Variants in SLC5A7 observed in about 807,000 individuals in gnomAD.
SLC5A7 encodes high affinity choline transporter 1.
Under a neutral mutation model 55.4 loss-of-function variants are expected in SLC5A7, and 19 were observed. The observed-to-expected ratio is 0.34, with a 90% confidence interval of 0.24 to 0.50. The LOEUF (loss-of-function observed/expected upper bound fraction) is 0.50, where lower values mean the gene tolerates loss of function less well. SLC5A7 is among the 20% of genes least tolerant of loss of function. The pLI is 0.98. For synonymous variants in SLC5A7, 265 were observed against 263.7 expected (o/e 1.00, Z -0.05); for missense variants, 506 against 705.3 (o/e 0.72, Z 3.20).
chr2:107,995,000 T>A (rs567700218), intron 4 of SLC5A7, among the ~76,000 whole-genome samples: 4 of 152,322 alleles, frequency 2.6e-5, no homozygotes, highest in South Asian at 2.1e-4. Flanking sequence ...TGTATATATG[T>A]GTGTCTGTGT....
At chr2:107,998,074 T>G in intron 5 of SLC5A7, 88 bp downstream of exon 5, 2 of 1,317,768 alleles carry the variant, frequency 1.5e-6, no homozygotes, top group Non-Finnish European at 2.0e-6. Flanking sequence ...AGTAGAAATA[T>G]TATTTTCCCT....
chr2:107,993,155 C>A (rs761896940), intron 4 of SLC5A7, 28 bp downstream of exon 4: 4 of 1,612,590 alleles, frequency 2.5e-6, no homozygotes, highest in Non-Finnish European at 2.5e-6. Flanking sequence ...TGTCTAGCTG[C>A]ATCTTTGTAG....
At chr2:107,991,854 G>A (rs560289880) in intron 2 of SLC5A7, among the ~76,000 whole-genome samples, 13 of 152,148 alleles carry the variant, frequency 8.5e-5, no homozygotes, top group Non-Finnish European at 1.8e-4. Flanking sequence ...AAAACAAAAA[G>A]AAATAGGTAA....
chr2:107,989,543 C>G (rs1418847796), intron 2 of SLC5A7, among the ~76,000 whole-genome samples: 1 of 152,198 alleles, frequency 6.6e-6, no homozygotes, highest in East Asian at 1.9e-4. Flanking sequence ...TGATGAGCAT[C>G]TGGGGTTAAG....
rs375438639 is a variant in SLC5A7, at chr2:107,993,177, T to C, written c.448+50T>C. On this transcript the variant is annotated intron_variant, in intron 4 of 8. Transcript: ENST00000264047. ...CTGCATCTTTGTAGTTAACTAAACA[T>C]CAGATACACAACCTTACTTTCCTCA... 7 of 1,601,932 alleles carry C rather than the reference T, an allele frequency of 4.4e-6. No individual in the cohort carries two copies. In the African/African-American group the frequency reaches 9.4e-5, roughly 21 times the overall value.
At chr2:108,006,775 G>T (rs1678140342) in intron 7 of SLC5A7, among the ~76,000 whole-genome samples, 1 of 152,140 alleles carries the variant, frequency 6.6e-6, no homozygotes, top group Admixed American at 6.5e-5. Flanking sequence ...CCCTAGGTGA[G>T]TTGAGAGCCA....
intron 5 of SLC5A7, among the ~76,000 whole-genome samples, chr2:108,001,536 A>G (rs373759064): frequency 1.3e-5 from 2 of 150,236 alleles, no homozygotes; most frequent in East Asian, 2.0e-4. Context: ...AGCCGGGCGT[A>G]GTGGCGGGCG....
At position 108,005,231 on chromosome 2, in the gene SLC5A7, A is replaced by G. The variant is rs574611403; in HGVS notation, c.742-818A>G. On this transcript the variant is annotated intron_variant, in intron 6 of 8. Transcript: ENST00000264047. ...GAAAACACCACATACATTGACTCTC[A>G]TAGTAGAAAGTAAGTTCCAGGGAAA... Among the ~76,000 whole-genome samples the G allele has an allele frequency of 7.2e-5, 11 of 152,314 alleles. No individual in the cohort carries two copies. The East Asian group carries it at 2.1e-3, about 29-fold the overall frequency.
At chr2:107,988,919 A>T (rs1677343268) in intron 2 of SLC5A7, among the ~76,000 whole-genome samples, 1 of 152,232 alleles carries the variant, frequency 6.6e-6, no homozygotes. Flanking sequence ...AGTCCACAGC[A>T]CTAATAAAGA....
chr2:107,990,490 A>G (rs1677413947), intron 2 of SLC5A7, among the ~76,000 whole-genome samples: 1 of 152,172 alleles, frequency 6.6e-6, no homozygotes, highest in Admixed American at 6.5e-5. Context: ...TCATTTCTTC[A>G]GCTCATGGTT....
chr2:108,004,545 T>C (rs1462168361), intron 6 of SLC5A7, among the ~76,000 whole-genome samples: 1 of 152,212 alleles, frequency 6.6e-6, no homozygotes, highest in Non-Finnish European at 1.5e-5. Flanking sequence ...CATTGTGCTA[T>C]GGCAACTCAT....
chr2:107,993,152 C>T lies in SLC5A7; in HGVS notation c.448+25C>T, dbSNP rs764298902. On this transcript the variant is annotated intron_variant, in intron 4 of 8. Transcript: ENST00000264047. ...GGTAAGGACCAGCTAAGTTGTCTAG[C>T]TGCATCTTTGTAGTTAACTAAACAT... The T allele has an allele frequency of 3.1e-6, 5 of 1,613,222 alleles. No homozygotes were observed. In the South Asian group the frequency reaches 5.5e-5, roughly 18 times the overall value.
Position 108,010,935 on chromosome 2 carries a change from C to A in SLC5A7, c.*74C>A. 1.5e-6 allele frequency: 2 copies of A among 1,370,392 alleles called. No individual in the cohort carries two copies. Among genetic ancestry groups the A allele is most frequent in the Non-Finnish European group, 1.9e-6 (2 of 1,031,872 alleles). 84.9% of individuals were successfully genotyped at this position (1,370,392 alleles called of 1,614,324 possible). A position where few individuals can be genotyped will look rare whatever the true frequency, so the allele number is the denominator to read the frequency against. On this transcript the variant is annotated 3_prime_UTR_variant, in exon 9 of 9. Coordinates refer to ENST00000264047, the MANE Select transcript of SLC5A7 (RefSeq NM_021815.5). ...GTAGTTCTGGAGAGATGGTATGCAG[C>A]ATACAAAAATATATTAAAAATATAA... is the stretch of plus-strand genomic sequence containing the variant.
intron 4 of SLC5A7, among the ~76,000 whole-genome samples, chr2:107,996,489 C>G (rs1006579746): frequency 2.0e-5 from 3 of 152,170 alleles, no homozygotes; most frequent in African/African-American, 7.2e-5. Context: ...GCATATACTA[C>G]TAGCATGCCA....
Position 108,010,731 on chromosome 2 carries a change from A to G in SLC5A7, c.1613A>G (p.Lys538Arg), listed in dbSNP as rs1288760672. ...ATTCTTGTCAAAAATGAAAATATTAAATTAGATGAACTTGCACTTGTGAAG... is the reference window on the plus strand; with the variant it reads ...ATTCTTGTCAAAAATGAAAATATTAGATTAGATGAACTTGCACTTGTGAAG... ...KTILVKNENI[K>R]LDELALVKPR... The change falls in exon 9 of 9, where the codon AAA becomes AGA. Residue 538 changes from lysine (K) to arginine (R), a missense_variant. By Grantham distance (26) the Lys-to-Arg change is conservative. Around this residue, in one of 4 missense-constraint regions of SLC5A7, gnomAD observed 137 missense variants for 143.6 expected, o/e 0.95. Transcript: ENST00000264047. 1.9e-6 allele frequency: 3 copies of G among 1,613,682 alleles called. No homozygotes were observed. The Admixed American group carries it at 5.0e-5, about 27-fold the overall frequency.
intron 2 of SLC5A7, among the ~76,000 whole-genome samples, chr2:107,990,951 C>A (rs1001078727): frequency 6.6e-6 from 1 of 152,156 alleles, no homozygotes; most frequent in African/African-American, 2.4e-5. Context: ...TTATTACCAA[C>A]CTGTGACCAT....
At chr2:108,005,929 T>C in intron 6 of SLC5A7, 120 bp from the exon 7 acceptor site, 5 of 1,192,208 alleles carry the variant, frequency 4.2e-6, no homozygotes, top group Non-Finnish European at 5.8e-6. Flanking sequence ...TGTGGCTACA[T>C]GCCACATTTT....
At chr2:108,001,740 T>C (rs1461978904) in intron 5 of SLC5A7, among the ~76,000 whole-genome samples, 157 bp from the exon 6 acceptor site, 1 of 151,978 alleles carries the variant, frequency 6.6e-6, no homozygotes, top group Non-Finnish European at 1.5e-5. Context: ...CAGTATTTTA[T>C]GGTGCCCAAC....
chr2:107,987,573 G>A (rs1222147131), intron 1 of SLC5A7, among the ~76,000 whole-genome samples: 1 of 152,096 alleles, frequency 6.6e-6, no homozygotes, highest in African/African-American at 2.4e-5. Flanking sequence ...ATTTTTTTCA[G>A]ATATTTTTAT....
Sources: gnomAD v4.1 joint callset for allele counts (sites outside exome capture counted in the v4.1 genomes callset) on GRCh38, gnomAD v4.1.1 for gene constraint, gnomAD v4.1.1 regional missense constraint, MANE v1.5 for transcripts, NCBI Gene and HGNC (gene_info 2026-07-23, HGNC 2026-07-21) for gene names.